Variants in DPP10 observed in about 807,000 individuals in gnomAD.
DPP10 encodes dipeptidyl peptidase like 10, also known as inactive dipeptidyl peptidase 10.
DPP10 carries 33 observed loss-of-function variants against 120.9 expected under a neutral mutation model. That is an observed-to-expected ratio of 0.27 (90% confidence interval 0.21 to 0.37). DPP10 has a LOEUF of 0.37. Ranked by LOEUF, DPP10 falls within the 10% of genes least tolerant of loss-of-function variation. DPP10 has a pLI of 1.00. For synonymous variants in DPP10, 337 were observed against 326.1 expected, an observed-to-expected ratio of 1.03 and a Z score of -0.36; for missense variants, 816 against 942.8, an observed-to-expected ratio of 0.87 and a Z score of 1.76.
Position 115,761,020 on chromosome 2 carries a change from T to TTGGGAGGCAGAGGTTTCAG in DPP10, c.1075-1549_1075-1531dup, listed in dbSNP as rs552265941. On this transcript the variant is annotated intron_variant, in intron 11 of 25. Coordinates refer to ENST00000410059, the MANE Select transcript of DPP10 (RefSeq NM_020868.6). Reference sequence around the variant, plus strand: ...GCTGAGGCAGGAGAATTGCTTGAACTTGGGAGGCAGAGGTTTCAGTGAGCC... The same window carrying TTGGGAGGCAGAGGTTTCAG: ...GCTGAGGCAGGAGAATTGCTTGAACTTGGGAGGCAGAGGTTTCAGTGGGAGGCAGAGGTTTCAGTGAGCC... Among the ~76,000 whole-genome samples, 17 of 150,536 alleles carry TTGGGAGGCAGAGGTTTCAG rather than the reference T, an allele frequency of 1.1e-4. No homozygotes were observed. In the South Asian group the frequency reaches 3.6e-3, roughly 31 times the overall value.
chr2:114,496,786 G>T (rs769449267), intron 1 of DPP10, among the ~76,000 whole-genome samples: 1 of 151,946 alleles, frequency 6.6e-6, no homozygotes, highest in Non-Finnish European at 1.5e-5. Flanking sequence ...TCAATGAGAC[G>T]CAGGAAATGG....
At chr2:114,507,829 C>T (rs768691864) in intron 1 of DPP10, among the ~76,000 whole-genome samples, 4 of 152,050 alleles carry the variant, frequency 2.6e-5, no homozygotes, top group Admixed American at 6.5e-5. Context: ...GAATTAAATT[C>T]AATAATGCAT....
chr2:114,577,725 G>A (rs1690172767), intron 1 of DPP10, among the ~76,000 whole-genome samples: 1 of 152,176 alleles, frequency 6.6e-6, no homozygotes, highest in Non-Finnish European at 1.5e-5. Context: ...CAAGGTGTTA[G>A]CCAGGTTGGT....
intron 1 of DPP10, among the ~76,000 whole-genome samples, chr2:114,884,402 C>A (rs934637417): frequency 2.6e-5 from 4 of 152,082 alleles, no homozygotes; most frequent in African/African-American, 9.7e-5. Context: ...TCTAAGGACT[C>A]CAGGGGAGAA....
chr2:114,681,463 A>G (rs554016118), intron 1 of DPP10, among the ~76,000 whole-genome samples: 1 of 152,084 alleles, frequency 6.6e-6, no homozygotes, highest in Admixed American at 6.6e-5. Context: ...CATAGGGACC[A>G]GATAGAGCCA....
At chr2:114,717,293 T>C (rs1446224554) in intron 1 of DPP10, among the ~76,000 whole-genome samples, 1 of 152,216 alleles carries the variant, frequency 6.6e-6, no homozygotes, top group Admixed American at 6.5e-5. Context: ...TCTCAGAGAC[T>C]GTTTTGTGAT....
At chr2:114,731,158 G>T (rs571044399) in intron 1 of DPP10, among the ~76,000 whole-genome samples, 3 of 151,504 alleles carry the variant, frequency 2.0e-5, no homozygotes, top group Non-Finnish European at 4.4e-5. Flanking sequence ...ACTCCTGGAC[G>T]GTATGTACTC....
intron 24 of DPP10, 59 bp from the exon 25 acceptor site, chr2:115,840,691 G>A: frequency 6.6e-7 from 1 of 1,509,142 alleles, no homozygotes; most frequent in Non-Finnish European, 9.1e-7. Flanking sequence ...AAAATAATAT[G>A]AAAAAGTTCT....
intron 1 of DPP10, among the ~76,000 whole-genome samples, chr2:115,186,494 C>T (rs1429537240): frequency 2.6e-5 from 4 of 152,020 alleles, no homozygotes; most frequent in Non-Finnish European, 5.9e-5. Flanking sequence ...CTTAGCTTAT[C>T]CTTGGTGGTA....
intron 1 of DPP10, among the ~76,000 whole-genome samples, chr2:115,247,313 CTA>C (rs936418876): frequency 6.6e-6 from 1 of 152,080 alleles, no homozygotes; most frequent in Non-Finnish European, 1.5e-5. Context: ...GGTGTAAAAA[CTA>C]GATCATCCGT....
intron 3 of DPP10, among the ~76,000 whole-genome samples, chr2:115,451,350 A>G (rs977724803): frequency 2.0e-5 from 3 of 151,948 alleles, no homozygotes; most frequent in African/African-American, 7.2e-5. Flanking sequence ...TTCTTTTACA[A>G]TATGACTGAC....
chr2:115,155,631 C>T (rs2051860183), intron 1 of DPP10, among the ~76,000 whole-genome samples: 1 of 152,156 alleles, frequency 6.6e-6, no homozygotes, highest in Non-Finnish European at 1.5e-5. Context: ...TAAAATATTA[C>T]AAGGCAAGGT....
At chr2:115,243,435 A>G (rs1559301749) in intron 1 of DPP10, among the ~76,000 whole-genome samples, 1 of 152,170 alleles carries the variant, frequency 6.6e-6, no homozygotes, top group Non-Finnish European at 1.5e-5. Context: ...AAAAAATAAA[A>G]TAAGGGTCAG....
In DPP10 at chr2:115,383,826, G is replaced by T. The variant is rs549358155; in HGVS notation, c.271+39914G>T. On this transcript the variant is annotated intron_variant, in intron 3 of 25. Transcript: ENST00000410059. Reference sequence around the variant, plus strand: ...CTCTTTCTTTCTTGTTCCAACATTTGATTCTTGCATTAGCTACAAAAAGTT... The same window carrying T: ...CTCTTTCTTTCTTGTTCCAACATTTTATTCTTGCATTAGCTACAAAAAGTT... 9.2e-5 allele frequency among the ~76,000 whole-genome samples: 14 copies of T among 152,184 alleles called. No homozygotes were observed. The South Asian group carries it at 2.7e-3, about 29-fold the overall frequency.
intron 1 of DPP10, among the ~76,000 whole-genome samples, chr2:114,657,933 T>C (rs1697085545): frequency 6.6e-6 from 1 of 152,188 alleles, no homozygotes; most frequent in South Asian, 2.1e-4. Context: ...TAATTTACAG[T>C]CCAACCTACG....
At position 115,606,784 on chromosome 2, in the gene DPP10, T is replaced by TA. The variant is rs1315606718; in HGVS notation, c.441+80813dup. The stretch of plus-strand genomic sequence containing the variant: ...GTCCTCTTTCATGGTCAGAGGCTAA[T>TA]ATAAGCACTCCTACAACAAAAGCAG... On this transcript the variant is annotated intron_variant, in intron 5 of 25. Coordinates refer to ENST00000410059, the MANE Select transcript of DPP10 (RefSeq NM_020868.6). Among the ~76,000 whole-genome samples, 6 of 152,332 alleles carry TA rather than the reference T, an allele frequency of 3.9e-5. No homozygotes were observed. The East Asian group carries it at 7.7e-4, about 20-fold the overall frequency.
intron 1 of DPP10, among the ~76,000 whole-genome samples, chr2:114,663,280 A>G (rs987143095): frequency 6.7e-6 from 1 of 149,846 alleles, no homozygotes; most frequent in East Asian, 2.0e-4. Context: ...ATACACACAC[A>G]TATATGTATA....
intron 1 of DPP10, among the ~76,000 whole-genome samples, chr2:114,904,368 T>C (rs1693811545): frequency 1.3e-5 from 2 of 152,210 alleles, no homozygotes; most frequent in South Asian, 4.1e-4. Context: ...TGTGTTCTAG[T>C]GTTTGGTAGA....
At chr2:114,493,625 G>A (rs1038223272) in intron 1 of DPP10, among the ~76,000 whole-genome samples, 2 of 87,660 alleles carry the variant, frequency 2.3e-5, no homozygotes, top group African/African-American at 3.8e-5. Flanking sequence ...CAATAATTTC[G>A]ACTTGGAAGA....
Sources: gnomAD v4.1 joint callset for allele counts (sites outside exome capture counted in the v4.1 genomes callset) on GRCh38, gnomAD v4.1.1 for gene constraint, MANE v1.5 for transcripts, NCBI Gene and HGNC (gene_info 2026-07-23, HGNC 2026-07-21) for gene names.